The following STK3 variants were observed in gnomAD, a reference collection of about 807,000 sequenced individuals.
The protein encoded by STK3 is serine/threonine-protein kinase 3.
In STK3, 41 loss-of-function variants were observed where a neutral mutation model predicts 58.0. That is an observed-to-expected ratio of 0.71 (90% CI 0.55 to 0.92). The LOEUF (loss-of-function observed/expected upper bound fraction) is 0.92. Ranked by LOEUF, STK3 falls within the 40% of genes least tolerant of loss-of-function variation. The pLI, the probability that STK3 is intolerant of heterozygous loss-of-function variation, is 0.00. For missense variants in STK3, 479 were observed against 602.7 expected (o/e 0.79, Z 2.15); for synonymous variants, 170 against 191.0 (o/e 0.89, Z 0.91).
chr8:98,770,232 C>T (rs991799345), intron 2 of STK3, among the ~76,000 whole-genome samples: 5 of 152,158 alleles, frequency 3.3e-5, no homozygotes, highest in Non-Finnish European at 7.3e-5. Context: ...CAGTGGTCCT[C>T]CAGACCACTC....
chr8:98,708,250 G>A (rs535640061), intron 4 of STK3, among the ~76,000 whole-genome samples: 1 of 152,122 alleles, frequency 6.6e-6, no homozygotes, highest in Admixed American at 6.5e-5. Flanking sequence ...AATACTGGGA[G>A]GGCACTATCA....
intron 4 of STK3, among the ~76,000 whole-genome samples, chr8:98,746,120 T>C (rs2131341064): frequency 6.6e-6 from 1 of 152,366 alleles, no homozygotes; most frequent in East Asian, 1.9e-4. Flanking sequence ...ATAACTGTAC[T>C]GAAGCCCAGA....
Position 98,620,625 on chromosome 8 carries a change from G to C in STK3, c.685-24456C>G, listed in dbSNP as rs955929977. On this transcript the variant is annotated intron_variant, in intron 6 of 10. Transcript: ENST00000419617. ...ATTTGTAGGACACATGCTGCTACTTGAAGAGCCTAGACAAAGAAGAACAAA... is the reference window on the plus strand; with the variant it reads ...ATTTGTAGGACACATGCTGCTACTTCAAGAGCCTAGACAAAGAAGAACAAA... Among the ~76,000 whole-genome samples, 12 of 150,222 alleles carry C rather than the reference G, an allele frequency of 8.0e-5. No individual in the cohort carries two copies. The East Asian group carries it at 1.4e-3, about 17-fold the overall frequency.
At chr8:98,842,467 G>T (rs544718965) in intron 3 of STK3, among the ~76,000 whole-genome samples, 4 of 152,270 alleles carry the variant, frequency 2.6e-5, no homozygotes, top group African/African-American at 9.6e-5. Flanking sequence ...TTAGAACTCA[G>T]GAGTCTGAAA....
chr8:98,835,525 G>C (rs957254330), intron 3 of STK3, among the ~76,000 whole-genome samples: 3 of 152,158 alleles, frequency 2.0e-5, no homozygotes, highest in Non-Finnish European at 4.4e-5. Flanking sequence ...TTTGGTTCCT[G>C]CAGTGCAGAG....
intron 1 of STK3, among the ~76,000 whole-genome samples, chr8:98,923,869 G>A (rs1362894164): frequency 1.1e-4 from 15 of 138,632 alleles, no homozygotes; most frequent in Admixed American, 3.5e-4. Context: ...GCGCGCGCGC[G>A]CGCGCGCGTT....
Position 98,787,490 on chromosome 8 carries a change from A to G in STK3, c.27-12671T>C, listed in dbSNP as rs538038711. On this transcript the variant is annotated intron_variant, in intron 1 of 10. Coordinates refer to ENST00000419617, the MANE Select transcript of STK3 (RefSeq NM_006281.4). ...CATTCCTGAGAAAGAAGATAAATCT[A>G]AAAGTCTGGAAAATATATTTGGGGG... Among the ~76,000 whole-genome samples the G allele has an allele frequency of 1.5e-3, 229 of 152,278 alleles. 1 individual carries two copies. The highest frequency in any genetic ancestry group is 2.8e-3 in the Non-Finnish European group (190 of 68,030).
At chr8:98,670,834 T>C (rs2130839955) in intron 6 of STK3, among the ~76,000 whole-genome samples, 1 of 152,282 alleles carries the variant, frequency 6.6e-6, no homozygotes, top group East Asian at 1.9e-4. Flanking sequence ...CATCACTCAA[T>C]AAAATTCTCT....
intron 1 of STK3, among the ~76,000 whole-genome samples, chr8:98,383,620 A>G (rs1817761074): frequency 6.6e-6 from 1 of 152,252 alleles, no homozygotes; most frequent in Non-Finnish European, 1.5e-5. Context: ...GCAAAGCAAA[A>G]CAAAACAAAC....
At chr8:98,618,406 G>T (rs1404234179) in intron 6 of STK3, among the ~76,000 whole-genome samples, 2 of 152,138 alleles carry the variant, frequency 1.3e-5, no homozygotes, top group Non-Finnish European at 2.9e-5. Flanking sequence ...ACTGGCACAA[G>T]ATAGGGATGC....
At position 98,700,710 on chromosome 8, in the gene STK3, A is replaced by G. The variant is rs182219983; in HGVS notation, c.684+5757T>C. ...AAACATTCAGTATTGCATTGCATAGAAGTAAAAATTCTTGGTTTGATTTCT... is the reference window on the plus strand; with the variant it reads ...AAACATTCAGTATTGCATTGCATAGGAGTAAAAATTCTTGGTTTGATTTCT... On this transcript the variant is annotated intron_variant, in intron 6 of 10. Transcript: ENST00000419617. 4.2e-4 allele frequency among the ~76,000 whole-genome samples: 64 copies of G among 152,300 alleles called. 2 individuals carry two copies. Among genetic ancestry groups the G allele is most frequent in the Middle Eastern group, 6.8e-3 (2 of 294 alleles).
At chr8:98,665,804 C>T (rs931500075) in intron 6 of STK3, among the ~76,000 whole-genome samples, 2 of 151,628 alleles carry the variant, frequency 1.3e-5, no homozygotes, top group East Asian at 1.9e-4. Flanking sequence ...CCTGGGTTCA[C>T]GCCATTCTCC....
intron 4 of STK3, among the ~76,000 whole-genome samples, chr8:98,717,574 T>G (rs1827111139): frequency 6.6e-6 from 1 of 152,188 alleles, no homozygotes; most frequent in Middle Eastern, 3.2e-3. Context: ...CTAATGGGAA[T>G]GTAAAATGGT....
chr8:98,353,861 C>T, the STK3 span, among the ~76,000 whole-genome samples: 1 of 151,682 alleles, frequency 6.6e-6, no homozygotes, highest in Admixed American at 6.6e-5. Flanking sequence ...GAAAAACATA[C>T]TTTTGTTGTT....
At chr8:98,817,748 C>G (rs920695463) in intron 1 of STK3, among the ~76,000 whole-genome samples, 1 of 152,222 alleles carries the variant, frequency 6.6e-6, no homozygotes, top group South Asian at 2.1e-4. Context: ...TCGCAAATCT[C>G]TCAACTTCTA....
At chr8:98,350,644 C>T in the STK3 span, among the ~76,000 whole-genome samples, 1 of 152,198 alleles carries the variant, frequency 6.6e-6, no homozygotes, top group Non-Finnish European at 1.5e-5. Context: ...GCCTCACAAT[C>T]ATGGCAGAAG....
chr8:98,760,422 G>T (rs553971688), intron 3 of STK3, among the ~76,000 whole-genome samples: 5 of 152,208 alleles, frequency 3.3e-5, no homozygotes, highest in Admixed American at 6.5e-5. Context: ...TTACAGGCGT[G>T]AGCCACTGTG....
intron 4 of STK3, among the ~76,000 whole-genome samples, chr8:98,718,763 T>C (rs1827202875): frequency 6.6e-6 from 1 of 152,058 alleles, no homozygotes; most frequent in Admixed American, 6.6e-5. Flanking sequence ...GTATTAAATA[T>C]GGTATTTCAT....
At chr8:98,627,429 G>A (rs1461085292) in intron 6 of STK3, among the ~76,000 whole-genome samples, 3 of 149,760 alleles carry the variant, frequency 2.0e-5, no homozygotes, top group African/African-American at 4.9e-5. Context: ...CAGGAAAATC[G>A]CTTGAACCCA....
Sources: allele counts gnomAD v4.1 joint callset (sites outside exome capture counted in the v4.1 genomes callset), GRCh38; gene constraint gnomAD v4.1.1; transcripts MANE v1.5; gene names NCBI Gene and HGNC (gene_info 2026-07-23, HGNC 2026-07-21).